The following WDR3 variants were observed in gnomAD, a reference collection of about 807,000 sequenced individuals.
WDR3 encodes WD repeat-containing protein 3.
WDR3 carries 81 observed loss-of-function variants against 123.7 expected under a neutral mutation model. That is an observed-to-expected ratio of 0.65 (90% CI 0.55 to 0.79). The LOEUF is 0.79. Among genes scored for constraint, WDR3 ranks in the 30% least tolerant of loss-of-function variants. The pLI is 0.00. For synonymous variants in WDR3, 390 were observed against 388.8 expected (o/e 1.00, Z -0.04); for missense variants, 1,027 against 1,123.2 (o/e 0.91, Z 1.22).
At chr1:117,932,198 G>A (rs1650755676) in intron 1 of WDR3, among the ~76,000 whole-genome samples, 1 of 152,178 alleles carries the variant, frequency 6.6e-6, no homozygotes, top group African/African-American at 2.4e-5. Flanking sequence ...TTTAATAAAA[G>A]TGCAGAAATT....
intron 4 of WDR3, 84 bp from the exon 5 acceptor site, chr1:117,938,396 G>T: frequency 9.3e-7 from 1 of 1,074,550 alleles, no homozygotes; most frequent in South Asian, 1.4e-5. Flanking sequence ...TCCTTTTAAA[G>T]CAACAGTGAG....
rs1478851521 is a variant in WDR3 at position 117,960,797 on chromosome 1, A to G, written c.*1350A>G. The G allele has an allele frequency of 2.0e-5, 3 of 152,218 alleles. No individual in the cohort carries two copies. The highest frequency in any genetic ancestry group is 4.4e-5 in the Non-Finnish European group (3 of 68,038). 9.4% of individuals were successfully genotyped at this position (152,218 alleles called of 1,614,324 possible). On this transcript the variant is annotated 3_prime_UTR_variant, in exon 27 of 27. Coordinates refer to ENST00000349139, the MANE Select transcript of WDR3 (RefSeq NM_006784.3). ...TTCTCCCAAAACTGTGAATTGCACC[A>G]TGTATGATCTGTATTTGTGTGTGTT...
chr1:117,938,604 G>A, intron 5 of WDR3, 46 bp downstream of exon 5: 1 of 1,547,100 alleles, frequency 6.5e-7, no homozygotes, highest in Non-Finnish European at 8.8e-7. Context: ...GAAGGCAAAA[G>A]GGAAAAGGTG....
At chr1:117,932,733 G>T (rs188727480) in intron 1 of WDR3, among the ~76,000 whole-genome samples, 1 of 152,306 alleles carries the variant, frequency 6.6e-6, no homozygotes, top group African/African-American at 2.4e-5. Flanking sequence ...TGTCAGATAT[G>T]CATGAGGTGG....
chr1:117,945,995 C>A, intron 11 of WDR3, 91 bp from the exon 12 acceptor site: 1 of 759,312 alleles, frequency 1.3e-6, no homozygotes, highest in South Asian at 3.3e-5. Flanking sequence ...TTATGTTGAT[C>A]TGTCTAAGTG....
chr1:117,943,725 AATACAATT>A, intron 11 of WDR3, 99 bp downstream of exon 11: 1 of 1,042,974 alleles, frequency 9.6e-7, no homozygotes, highest in Non-Finnish European at 1.4e-6. Flanking sequence ...TAAGGCCCTA[AATACAATT>A]ATCTTTAGTG....
intron 21 of WDR3, 123 bp from the exon 22 acceptor site, chr1:117,953,884 C>T (rs148649075): frequency 1.1e-4 from 90 of 794,824 alleles, no homozygotes; most frequent in African/African-American, 6.8e-4. Context: ...TCTATTCGCA[C>T]GTCTTTATTA....
chr1:117,952,402 T>C lies in WDR3; in HGVS notation c.2010T>C (p.Thr670=). 1 of 1,610,430 alleles carries C rather than the reference T, an allele frequency of 6.2e-7. No homozygotes were observed. The highest frequency in any genetic ancestry group is 8.5e-7 in the Non-Finnish European group (1 of 1,178,586). ...CAGACAAATTTGAACACATACAGAC[T>C]CTGGAGGTAACCACATGCCTTCTGT... ...WDADKFEHIQ[T]LEGHHQEIWC... is the part of the protein sequence containing the mutation. Residue 670 remains threonine (T), a synonymous_variant, in exon 18 of 27, where the codon ACT becomes ACC. Coordinates refer to ENST00000349139, the MANE Select transcript of WDR3 (RefSeq NM_006784.3).
At chr1:117,939,627 G>A in intron 6 of WDR3, 55 bp downstream of exon 6, 2 of 1,541,948 alleles carry the variant, frequency 1.3e-6, no homozygotes, top group African/African-American at 1.4e-5. Context: ...TAAGCACCTT[G>A]GATTTAGAAT....
intron 5 of WDR3, 36 bp from the exon 6 acceptor site, chr1:117,939,441 A>G (rs1353045704): frequency 6.2e-7 from 1 of 1,603,814 alleles, no homozygotes; most frequent in African/African-American, 1.3e-5. Context: ...GAATCTCTTG[A>G]AAATCGTATT....
intron 4 of WDR3, 24 bp downstream of exon 4, chr1:117,936,911 C>T (rs776841657): frequency 1.3e-6 from 2 of 1,588,480 alleles, no homozygotes; most frequent in Non-Finnish European, 1.7e-6. Flanking sequence ...GGTTTAATTT[C>T]CAGTTATTTT....
chr1:117,954,643 A>C lies in WDR3; in HGVS notation c.2409+16A>C. ...CAGTATCTCAGTGAGTAAAATGTCTAACGGTTTTCCTTTGTTTATTAAAAG... is the reference window on the plus strand; with the variant it reads ...CAGTATCTCAGTGAGTAAAATGTCTCACGGTTTTCCTTTGTTTATTAAAAG... On this transcript the variant is annotated intron_variant, in intron 23 of 26. Transcript: ENST00000349139. The C allele has an allele frequency of 1.2e-6, 2 of 1,610,462 alleles. No homozygotes were observed. The highest frequency in any genetic ancestry group is 1.7e-6 in the Non-Finnish European group (2 of 1,178,302).
chr1:117,966,353 A>G lies in WDR3; in HGVS notation c.*6906A>G, dbSNP rs942772314. 1 of 316,528 alleles carries G rather than the reference A, an allele frequency of 3.2e-6. No individual in the cohort carries two copies. Among genetic ancestry groups the G allele is most frequent in the African/African-American group, 2.1e-5 (1 of 46,722 alleles). The allele number at this position is 316,528 out of a possible 1,614,324, so 19.6% of individuals were successfully genotyped here. A position where few individuals can be genotyped will look rare whatever the true frequency, so the allele number is the denominator to read the frequency against. On this transcript the variant is annotated 3_prime_UTR_variant, in exon 27 of 27. Coordinates refer to ENST00000349139, the MANE Select transcript of WDR3 (RefSeq NM_006784.3). ...ACTTGCTGTTTTATTATTCTGTCTG[A>G]TATTCCGTAGATAGCCAATAACATT...
At chr1:117,949,922 T>G (rs2101217538) in intron 14 of WDR3, 73 bp from the exon 15 acceptor site, 2 of 1,610,256 alleles carry the variant, frequency 1.2e-6, no homozygotes, top group Non-Finnish European at 8.5e-7. Flanking sequence ...TCATTTGTTG[T>G]GCTCTAAAGA....
At chr1:117,948,378 A>C (rs547538713) in intron 12 of WDR3, 27 bp from the exon 13 acceptor site, 1 of 1,598,042 alleles carries the variant, frequency 6.3e-7, no homozygotes, top group Admixed American at 1.7e-5. Context: ...TGTTCATTGG[A>C]GCTGTGCTCA....
intron 3 of WDR3, among the ~76,000 whole-genome samples, chr1:117,934,910 G>A (rs1021474653): frequency 6.6e-6 from 1 of 152,202 alleles, no homozygotes; most frequent in African/African-American, 2.4e-5. Context: ...GGAATAAGAT[G>A]AAGAGAGCCA....
intron 3 of WDR3, among the ~76,000 whole-genome samples, chr1:117,934,894 A>C (rs1377361070): frequency 2.6e-5 from 4 of 152,214 alleles, no homozygotes; most frequent in African/African-American, 9.7e-5. Context: ...AAGCCTCTTA[A>C]GTGTAGGAAT....
At position 117,963,833 on chromosome 1, in the gene WDR3, C is replaced by G. The variant is rs114407595; in HGVS notation, c.*4386C>G. 1 of 1,613,762 alleles carries G rather than the reference C, an allele frequency of 6.2e-7. No individual in the cohort carries two copies. On this transcript the variant is annotated 3_prime_UTR_variant, in exon 27 of 27. Coordinates refer to ENST00000349139, the MANE Select transcript of WDR3 (RefSeq NM_006784.3). ...AGAAACTTTACGAGACATGAAGACT[C>G]CAAGTGTGGAGGAATAAATTGTAGA...
At position 117,963,656 on chromosome 1, in the gene WDR3, G is replaced by T; in HGVS notation, c.*4209G>T. The T allele has an allele frequency of 1.4e-6, 1 of 720,708 alleles. No homozygotes were observed. Among genetic ancestry groups the T allele is most frequent in the Non-Finnish European group, 2.2e-6 (1 of 464,946 alleles). 44.6% of individuals were successfully genotyped at this position (720,708 alleles called of 1,614,324 possible). A position where few individuals can be genotyped will look rare whatever the true frequency, so the allele number is the denominator to read the frequency against. ...TGGGATTACAGGTGTGAGCCACCGG[G>T]CCCGGCCTAAACAAATATTTTCATT... On this transcript the variant is annotated 3_prime_UTR_variant, in exon 27 of 27. Coordinates refer to ENST00000349139, the MANE Select transcript of WDR3 (RefSeq NM_006784.3).
Sources: gnomAD v4.1 joint callset for allele counts (sites outside exome capture counted in the v4.1 genomes callset) on GRCh38, gnomAD v4.1.1 for gene constraint, MANE v1.5 for transcripts, NCBI Gene and HGNC (gene_info 2026-07-23, HGNC 2026-07-21) for gene names.